NAV2: variants seen among roughly 807,000 people sequenced by gnomAD.
NAV2 encodes neuron navigator 2.
In NAV2, 54 loss-of-function variants were observed where a neutral mutation model predicts 223.2. That is an observed-to-expected ratio of 0.24 (90% confidence interval 0.19 to 0.30). The LOEUF is 0.30. Ranked by LOEUF, NAV2 falls within the 10% of genes least tolerant of loss-of-function variation. NAV2 has a pLI of 1.00. For missense variants in NAV2, 2,806 were observed against 3,147.5 expected (o/e 0.89, Z 2.60); for synonymous variants, 1,279 against 1,239.3 (o/e 1.03, Z -0.67).
intron 1 of NAV2, among the ~76,000 whole-genome samples, chr11:19,536,343 T>C (rs1382236133): frequency 1.3e-5 from 2 of 152,194 alleles, no homozygotes; most frequent in African/African-American, 4.8e-5. Context: ...GGATTAGGAC[T>C]GAAGTGTCCC....
intron 1 of NAV2, among the ~76,000 whole-genome samples, chr11:19,668,532 CAAAAA>C (rs762975832): frequency 1.5e-5 from 1 of 64,890 alleles, no homozygotes; most frequent in African/African-American, 6.5e-5. Context: ...GACTCGGTCT[CAAAAA>C]AAAAAAAAAA....
chr11:19,889,270 A>C (rs2041289572), intron 5 of NAV2, among the ~76,000 whole-genome samples: 1 of 152,148 alleles, frequency 6.6e-6, no homozygotes. Context: ...TTTGTGAACC[A>C]AATTTTGCTG....
intron 1 of NAV2, among the ~76,000 whole-genome samples, chr11:19,787,437 G>C (rs1016366847): frequency 6.6e-6 from 1 of 151,940 alleles, no homozygotes; most frequent in Non-Finnish European, 1.5e-5. Context: ...TCTAAAGCAG[G>C]ATGTAGAAAT....
chr11:19,491,298 A>G (rs994600543), intron 1 of NAV2, among the ~76,000 whole-genome samples: 7 of 152,228 alleles, frequency 4.6e-5, no homozygotes, highest in Non-Finnish European at 7.3e-5. Flanking sequence ...TAGCTATGAA[A>G]GTCCTACATG....
chr11:20,065,133 A>G (rs2058963327), intron 20 of NAV2, among the ~76,000 whole-genome samples: 1 of 152,266 alleles, frequency 6.6e-6, no homozygotes, highest in Non-Finnish European at 1.5e-5. Flanking sequence ...ACCGCCTAGC[A>G]CTGAGGTGTG....
At chr11:19,510,309 A>C (rs964776368) in intron 1 of NAV2, among the ~76,000 whole-genome samples, 2 of 152,198 alleles carry the variant, frequency 1.3e-5, no homozygotes, top group Non-Finnish European at 2.9e-5. Flanking sequence ...GTCTATTTTA[A>C]ACATGAGGAA....
chr11:19,553,676 T>A (rs1195487526), intron 1 of NAV2, among the ~76,000 whole-genome samples: 1 of 152,244 alleles, frequency 6.6e-6, no homozygotes. Context: ...AACTGATGTA[T>A]TTAACAGAAG....
chr11:19,466,920 ACTCT>A (rs1247887383), intron 1 of NAV2, among the ~76,000 whole-genome samples: 8 of 146,926 alleles, frequency 5.4e-5, no homozygotes, highest in South Asian at 2.2e-4. Flanking sequence ...AATTCTGAGA[ACTCT>A]CTCTCTCTTT....
chr11:20,044,279 G>T lies in NAV2; in HGVS notation c.3199+7G>T, dbSNP rs1194956197. ...CTGAAGACCCCAGGAACTGGTAAGA[G>T]GCCGGGGCTGTCTTGGCCCTACAGT... On this transcript the variant is annotated splice_region_variant and intron_variant, in intron 13 of 37. Transcript: ENST00000349880. The T allele has an allele frequency of 6.2e-7, 1 of 1,600,718 alleles. No homozygotes were observed. The highest frequency in any genetic ancestry group is 8.5e-7 in the Non-Finnish European group (1 of 1,169,944).
intron 1 of NAV2, among the ~76,000 whole-genome samples, chr11:19,656,585 C>A (rs2048132413): frequency 6.6e-6 from 1 of 152,172 alleles, no homozygotes; most frequent in Non-Finnish European, 1.5e-5. Flanking sequence ...ATGTTTTAAT[C>A]TGATCTCTCT....
intron 1 of NAV2, among the ~76,000 whole-genome samples, chr11:19,748,045 C>A (rs541769323): frequency 1.2e-4 from 19 of 152,324 alleles, no homozygotes; most frequent in Admixed American, 1.1e-3. Context: ...TGTAGTGAGA[C>A]CTTGTCCAGG....
At chr11:19,779,422 C>G (rs540036704) in intron 1 of NAV2, among the ~76,000 whole-genome samples, 1 of 152,338 alleles carries the variant, frequency 6.6e-6, no homozygotes, top group Non-Finnish European at 1.5e-5. Flanking sequence ...ACTGATACAT[C>G]ATTAGCTGAA....
intron 31 of NAV2, among the ~76,000 whole-genome samples, chr11:20,098,069 T>G (rs886936694): frequency 2.0e-5 from 3 of 152,208 alleles, no homozygotes; most frequent in African/African-American, 7.2e-5. Flanking sequence ...CAGCAAGCTT[T>G]GGATGCAGTC....
chr11:19,600,388 G>A (rs1359894522), intron 1 of NAV2, among the ~76,000 whole-genome samples: 1 of 152,204 alleles, frequency 6.6e-6, no homozygotes, highest in African/African-American at 2.4e-5. Flanking sequence ...GTTGTCAACA[G>A]CATCTGCTAA....
chr11:19,625,964 T>C (rs915594567), intron 1 of NAV2, among the ~76,000 whole-genome samples: 1 of 152,228 alleles, frequency 6.6e-6, no homozygotes, highest in African/African-American at 2.4e-5. Flanking sequence ...CGTGACCATT[T>C]TCTCCCATTC....
intron 11 of NAV2, among the ~76,000 whole-genome samples, chr11:20,000,186 C>T (rs537443958): frequency 4.6e-5 from 7 of 152,356 alleles, no homozygotes; most frequent in Admixed American, 4.6e-4. Flanking sequence ...GCTCCACATC[C>T]TGGCAGGAGG....
In NAV2 at chr11:19,859,188, A is replaced by C. The variant is rs545357956; in HGVS notation, c.439-9737A>C. Among the ~76,000 whole-genome samples the C allele has an allele frequency of 9.0e-3, 869 of 96,432 alleles. 11 individuals are homozygous for C. Among genetic ancestry groups the C allele is most frequent in the African/African-American group, 0.031 (770 of 24,866 alleles). The allele number at this position is 96,432 out of a possible 152,430, so 63.3% of individuals were successfully genotyped here. The stretch of plus-strand genomic sequence containing the variant: ...GATCATTCTTGGGTGTTTCTCGCAG[A>C]GGGGGATTTGGCAGGGTCACAGGAC... On this transcript the variant is annotated intron_variant, in intron 3 of 37. Coordinates refer to ENST00000349880, the MANE Select transcript of NAV2 (RefSeq NM_145117.5).
intron 11 of NAV2, among the ~76,000 whole-genome samples, chr11:20,016,772 G>A (rs1306615309): frequency 6.6e-6 from 1 of 151,470 alleles, no homozygotes; most frequent in Non-Finnish European, 1.5e-5. Context: ...AAGGAAGGCA[G>A]ATTGCCTGAC....
At chr11:20,108,926 C>G (rs763586156) in intron 36 of NAV2, among the ~76,000 whole-genome samples, 8 of 152,180 alleles carry the variant, frequency 5.3e-5, no homozygotes, top group Non-Finnish European at 1.0e-4. Context: ...CTGAATAATC[C>G]AGAAACCAGT....
Sources: allele counts gnomAD v4.1 joint callset (sites outside exome capture counted in the v4.1 genomes callset), GRCh38; gene constraint gnomAD v4.1.1; transcripts MANE v1.5; gene names NCBI Gene and HGNC (gene_info 2026-07-23, HGNC 2026-07-21).